The following PDE1C variants were observed in gnomAD, a reference collection of about 807,000 sequenced individuals.
The protein encoded by PDE1C is phosphodiesterase 1C, also known as dual specificity calcium/calmodulin-dependent 3',5'-cyclic nucleotide phosphodiesterase 1C.
A neutral mutation model predicts 93.1 loss-of-function variants in PDE1C; 62 were observed. The ratio of observed to expected loss-of-function variants is 0.67; its 90% CI spans 0.54 to 0.82. PDE1C has a LOEUF of 0.82. PDE1C is among the 40% of genes least tolerant of loss of function. The pLI, the probability that PDE1C is intolerant of heterozygous loss-of-function variation, is 0.00. For missense variants in PDE1C, 742 were observed against 884.6 expected, an observed-to-expected ratio of 0.84 and a Z score of 2.04; for synonymous variants, 325 against 310.1, an observed-to-expected ratio of 1.05 and a Z score of -0.50.
At chr7:31,643,155 G>A in the PDE1C span, 3 of 1,613,944 alleles carry the variant, frequency 1.9e-6, no homozygotes, top group East Asian at 2.2e-5. Context: ...ACCACAATGA[G>A]TCTCAAAGGT....
intron 1 of PDE1C, among the ~76,000 whole-genome samples, chr7:32,327,350 C>A (rs1156927642): frequency 2.0e-5 from 3 of 152,126 alleles, no homozygotes; most frequent in Admixed American, 1.3e-4. Flanking sequence ...TTAAATGTAA[C>A]CATCACGTGG....
intron 2 of PDE1C, among the ~76,000 whole-genome samples, chr7:32,003,892 A>C (rs904861994): frequency 4.0e-5 from 6 of 150,158 alleles, no homozygotes; most frequent in Admixed American, 2.6e-4. Flanking sequence ...GACAAAAAAC[A>C]AATAAACAAC....
chr7:32,361,528 C>T (rs1431607755), intron 1 of PDE1C, among the ~76,000 whole-genome samples: 2 of 152,188 alleles, frequency 1.3e-5, no homozygotes, highest in Middle Eastern at 3.2e-3. Flanking sequence ...ACGCCCTGCG[C>T]ACACTGCCCC....
intron 2 of PDE1C, among the ~76,000 whole-genome samples, chr7:32,011,468 A>G (rs1474417855): frequency 6.6e-6 from 1 of 152,240 alleles, no homozygotes; most frequent in African/African-American, 2.4e-5. Context: ...CTGGGATTAC[A>G]GGCATGAGCC....
chr7:31,855,401 C>A (rs983826981), intron 7 of PDE1C, among the ~76,000 whole-genome samples: 1 of 152,092 alleles, frequency 6.6e-6, no homozygotes. Flanking sequence ...TTGGGCCCAC[C>A]TGGAAAATCC....
intron 3 of PDE1C, among the ~76,000 whole-genome samples, chr7:32,078,920 A>ACT (rs1317562040): frequency 2.1e-5 from 3 of 144,114 alleles, no homozygotes; most frequent in Non-Finnish European, 4.5e-5. Flanking sequence ...AGCAAGACTC[A>ACT]CTCTCTCAAA....
At chr7:31,773,361 C>T (rs1795624780) in intron 17 of PDE1C, among the ~76,000 whole-genome samples, 1 of 152,090 alleles carries the variant, frequency 6.6e-6, no homozygotes, top group African/African-American at 2.4e-5. Flanking sequence ...GTGGCCATCC[C>T]TGGGTCCCCA....
chr7:31,954,620 T>C (rs1400795282), intron 2 of PDE1C, among the ~76,000 whole-genome samples: 2 of 152,210 alleles, frequency 1.3e-5, no homozygotes, highest in Non-Finnish European at 2.9e-5. Flanking sequence ...CCCTCTGGCT[T>C]ACTGGAATAG....
intron 2 of PDE1C, among the ~76,000 whole-genome samples, chr7:32,014,937 G>A (rs569135131): frequency 4.7e-4 from 71 of 152,126 alleles, no homozygotes; most frequent in South Asian, 8.3e-4. Flanking sequence ...TAATCTTCAC[G>A]TGTCAAGGGA....
intron 1 of PDE1C, among the ~76,000 whole-genome samples, chr7:32,297,388 G>A (rs991504386): frequency 1.3e-5 from 2 of 151,986 alleles, no homozygotes; most frequent in African/African-American, 4.8e-5. Context: ...AGTACTTTTG[G>A]AAGTACTTGA....
chr7:32,332,100 T>A (rs1272647499), intron 1 of PDE1C, among the ~76,000 whole-genome samples: 1 of 152,100 alleles, frequency 6.6e-6, no homozygotes, highest in East Asian at 1.9e-4. Flanking sequence ...GAAAAAGGAA[T>A]AATAAATAGC....
intron 16 of PDE1C, among the ~76,000 whole-genome samples, chr7:31,780,343 A>C (rs1234968492): frequency 6.6e-6 from 1 of 152,216 alleles, no homozygotes; most frequent in Non-Finnish European, 1.5e-5. Context: ...ATTTCCATTT[A>C]AACTTAAGAT....
At chr7:31,851,543 C>T (rs1438741460) in intron 7 of PDE1C, among the ~76,000 whole-genome samples, 3 of 152,182 alleles carry the variant, frequency 2.0e-5, no homozygotes, top group Admixed American at 6.5e-5. Context: ...TACTTCCTAT[C>T]GCTTCTGTAA....
intron 1 of PDE1C, among the ~76,000 whole-genome samples, chr7:32,332,270 T>C (rs1235784633): frequency 6.6e-6 from 1 of 151,982 alleles, no homozygotes; most frequent in Non-Finnish European, 1.5e-5. Context: ...CCAATAAACA[T>C]ATGAAAAGGG....
At chr7:31,790,197 G>A (rs763848080) in intron 16 of PDE1C, 9 of 1,611,124 alleles carry the variant, frequency 5.6e-6, no homozygotes, top group African/African-American at 2.7e-5. Context: ...AGCTCAGCTA[G>A]AATGATGCAA....
chr7:31,875,840 A>T (rs1181687306), intron 5 of PDE1C, among the ~76,000 whole-genome samples: 2 of 60,892 alleles, frequency 3.3e-5, no homozygotes, highest in African/African-American at 1.3e-4. Context: ...TATATAATGG[A>T]AAAAGTAAAA....
At chr7:32,039,482 G>C (rs1275565513) in intron 2 of PDE1C, among the ~76,000 whole-genome samples, 1 of 152,142 alleles carries the variant, frequency 6.6e-6, no homozygotes, top group Non-Finnish European at 1.5e-5. Context: ...ACTGATTGTA[G>C]AAAAGTCAAC....
intron 1 of PDE1C, among the ~76,000 whole-genome samples, chr7:32,362,654 C>T (rs1476895791): frequency 6.6e-6 from 1 of 152,108 alleles, no homozygotes; most frequent in African/African-American, 2.4e-5. Context: ...CAGTAATCAC[C>T]TGCCTGGGCC....
chr7:32,109,928 T>C (rs1268752032), intron 3 of PDE1C, among the ~76,000 whole-genome samples: 1 of 152,184 alleles, frequency 6.6e-6, no homozygotes, highest in African/African-American at 2.4e-5. Flanking sequence ...ACAGAGTTTG[T>C]TAATAAACTC....
Sources: gnomAD v4.1 joint callset for allele counts (sites outside exome capture counted in the v4.1 genomes callset) on GRCh38, gnomAD v4.1.1 for gene constraint, MANE v1.5 for transcripts, NCBI Gene and HGNC (gene_info 2026-07-23, HGNC 2026-07-21) for gene names.